Variants in CEP295NL observed in about 807,000 individuals in gnomAD.
CEP295NL encodes the protein protein DDC8 homolog.
A neutral mutation model predicts 4.6 loss-of-function variants in CEP295NL; 3 were observed. That is an observed-to-expected ratio of 0.65 (90% CI 0.30 to 1.69). The LOEUF (loss-of-function observed/expected upper bound fraction) is 1.69. CEP295NL is among the 40% of genes most tolerant of loss of function. CEP295NL has a pLI of 0.10. For synonymous variants in CEP295NL, 295 were observed against 312.2 expected (o/e 0.94, Z 0.58); for missense variants, 719 against 769.0 (o/e 0.93, Z 0.77).
Position 78,891,895 on chromosome 17 carries a change from T to C in CEP295NL, c.609A>G (p.Lys203=), listed in dbSNP as rs2069902903. The C allele has an allele frequency of 1.3e-6, 2 of 1,550,588 alleles. No individual in the cohort carries two copies. The highest frequency in any genetic ancestry group is 1.7e-6 in the Non-Finnish European group (2 of 1,146,992). Residue 203 remains lysine (K), a synonymous_variant, in exon 3 of 3, where the codon AAA becomes AAG. Transcript: ENST00000322630. The surrounding 1 kb of genome is among the most constrained non-coding windows in gnomAD (Gnocchi z 4.5). ...RPRKTAASPE[K]PQTTKATGRM... The stretch of plus-strand genomic sequence containing the variant: ...GACCCGTGGCTTTTGTAGTCTGTGG[T>C]TTCTCTGGACTCGCTGCTGTCTTCC...
At position 78,890,901 on chromosome 17, in the gene CEP295NL, T is replaced by C. The variant is rs1260637211; in HGVS notation, c.1603A>G (p.Lys535Glu). Residue 535 changes from lysine (K) to glutamate (E), a missense_variant, in exon 3 of 3, where the codon AAA (lysine) becomes GAA (glutamate). By Grantham distance (56) the Lys-to-Glu change is moderately conservative (BLOSUM62 1). Coordinates refer to ENST00000322630, the MANE Select transcript of CEP295NL (RefSeq NM_001243540.2). ...HPDMSLEIHY[K>E]AELEKERREQ... ...CTCCTCTCTTTTTCTAGCTCAGCTTTGTAGTGGATTTCCAAGCTCATATCT... is the reference window on the plus strand; with the variant it reads ...CTCCTCTCTTTTTCTAGCTCAGCTTCGTAGTGGATTTCCAAGCTCATATCT... 6.4e-7 allele frequency: 1 copy of C among 1,550,608 alleles called. No homozygotes were observed. The highest frequency in any genetic ancestry group is 1.4e-5 in the African/African-American group (1 of 73,032).
chr17:78,892,391 A>G lies in CEP295NL; in HGVS notation c.113T>C (p.Leu38Pro), dbSNP rs942414487. 1.4e-5 allele frequency: 22 copies of G among 1,550,474 alleles called. No homozygotes were observed. In the African/African-American group the frequency reaches 3.0e-4, roughly 21 times the overall value. The change falls in exon 3 of 3, where the codon CTT (leucine) becomes CCT (proline). Residue 38 changes from leucine to proline, a missense_variant. Coordinates refer to ENST00000322630, the MANE Select transcript of CEP295NL (RefSeq NM_001243540.2). ...GPGAPLEPST[L>P]GSKHLPWEAV... Reference sequence around the variant, plus strand: ...TTCCCAGGGAAGGTGCTTGGAGCCAAGAGTGGAGGGTTCAAGGGGCGCCCC... The same window carrying G: ...TTCCCAGGGAAGGTGCTTGGAGCCAGGAGTGGAGGGTTCAAGGGGCGCCCC...
At position 78,896,730 on chromosome 17, in the gene CEP295NL, A is replaced by C. The variant is rs542566138; in HGVS notation, c.45-4271T>G. On this transcript the variant is annotated intron_variant, in intron 2 of 2. Transcript: ENST00000322630. This position sits in a 1 kb window ranked among gnomAD's most constrained non-coding sequence, Gnocchi z 4.4. Reference sequence around the variant, plus strand: ...AAGCCGCGCTCGGAGCAGCAGAAGGAAGGCGAGTGGACACCAATCTGGCCT... The same window carrying C: ...AAGCCGCGCTCGGAGCAGCAGAAGGCAGGCGAGTGGACACCAATCTGGCCT... Among the ~76,000 whole-genome samples the C allele has an allele frequency of 3.9e-5, 6 of 152,142 alleles. No homozygotes were observed. The highest frequency in any genetic ancestry group is 6.5e-5 in the Admixed American group (1 of 15,282).
intron 2 of CEP295NL, 23 bp from the exon 3 acceptor site, chr17:78,892,482 G>A (rs769653464): frequency 3.3e-6 from 5 of 1,532,962 alleles, no homozygotes; most frequent in Non-Finnish European, 4.4e-6. Context: ...GAGCACAAGT[G>A]CAGCTTTCCA....
chr17:78,891,336 G>C lies in CEP295NL; in HGVS notation c.1168C>G (p.Pro390Ala). Reference protein sequence around the residue: ...SEMQECGAGTPRGKKMADPEM... With the variant: ...SEMQECGAGTARGKKMADPEM... ...GGGTCTGCCATTTTCTTCCCTCTTG[G>C]GGTCCCAGCGCCACACTCTTGCATC... Residue 390 changes from proline (P) to alanine (A), a missense_variant, in exon 3 of 3, where the codon CCA (proline) becomes GCA (alanine). Transcript: ENST00000322630. This position sits in a 1 kb window ranked among gnomAD's most constrained non-coding sequence, Gnocchi z 4.5. 1 of 1,550,202 alleles carries C rather than the reference G, an allele frequency of 6.5e-7. No homozygotes were observed. The highest frequency in any genetic ancestry group is 8.7e-7 in the Non-Finnish European group (1 of 1,146,924).
At chr17:78,894,152 TTCA>T (rs2069961630) in intron 2 of CEP295NL, among the ~76,000 whole-genome samples, 2 of 152,058 alleles carry the variant, frequency 1.3e-5, no homozygotes, top group African/African-American at 4.8e-5. Context: ...CATGTATCCG[TTCA>T]TCTTTTTTAC....
In CEP295NL at chr17:78,901,920, C is replaced by T; in HGVS notation, c.-92G>A. ...GGCTGACTTTGTAGGTAGTGAGACG[C>T]CCATCACTGGAGGCATCCGAACCAA... On this transcript the variant is annotated 5_prime_UTR_variant, in exon 2 of 3. Transcript: ENST00000322630. The T allele has an allele frequency of 3.2e-6, 2 of 619,612 alleles. No homozygotes were observed. The highest frequency in any genetic ancestry group is 6.0e-6 in the Non-Finnish European group (2 of 335,876). 38.4% of individuals were successfully genotyped at this position (619,612 alleles called of 1,614,324 possible).
rs770428837 is a variant in CEP295NL at position 78,902,456 on chromosome 17, G to A, written c.-98-530C>T. On this transcript the variant is annotated intron_variant, in intron 1 of 2. Coordinates refer to ENST00000322630, the MANE Select transcript of CEP295NL (RefSeq NM_001243540.2). Reference sequence around the variant, plus strand: ...TGTTAGCATCACCTGGGGCAGGGGTGGGTCACGTTAGAATGAGTCCTGGCT... The same window carrying A: ...TGTTAGCATCACCTGGGGCAGGGGTAGGTCACGTTAGAATGAGTCCTGGCT... Among the ~76,000 whole-genome samples, 93 of 152,316 alleles carry A rather than the reference G, an allele frequency of 6.1e-4. 1 individual carries two copies. Among genetic ancestry groups the A allele is most frequent in the Middle Eastern group, 3.4e-3 (1 of 294 alleles).
intron 1 of CEP295NL, among the ~76,000 whole-genome samples, 163 bp downstream of exon 1, chr17:78,902,971 G>A (rs1204780683): frequency 2.6e-5 from 4 of 152,224 alleles, no homozygotes; most frequent in Non-Finnish European, 5.9e-5. Context: ...CTTTGCCGCT[G>A]GCCTTGCGAA....
intron 2 of CEP295NL, chr17:78,897,086 A>T (rs2070013519): frequency 1.3e-6 from 1 of 742,872 alleles, no homozygotes; most frequent in African/African-American, 2.3e-5. Context: ...GCCAGGGCCC[A>T]CAGACAGCAC....
In CEP295NL at chr17:78,891,178, C is replaced by T. The variant is rs760460167; in HGVS notation, c.1326G>A (p.Thr442=). ...NQKYQGTVKP[T]FRNGSQTLSP... ...ACAATGTTTGACTTCCATTTCTAAA[C>T]GTGGGCTTGACCGTGCCCTGATATT... Residue 442 remains threonine (T), a synonymous_variant, in exon 3 of 3, where the codon ACG becomes ACA. Transcript: ENST00000322630. This position sits in a 1 kb window ranked among gnomAD's most constrained non-coding sequence, Gnocchi z 4.5. The T allele has an allele frequency of 2.3e-5, 36 of 1,550,540 alleles. No homozygotes were observed. The South Asian group carries it at 3.3e-4, about 14-fold the overall frequency.
intron 2 of CEP295NL, 72 bp from the exon 3 acceptor site, chr17:78,892,531 G>C: frequency 6.8e-7 from 1 of 1,473,704 alleles, no homozygotes; most frequent in Middle Eastern, 2.5e-4. Flanking sequence ...CTGGAGACAA[G>C]CACACGGGAT....
intron 2 of CEP295NL, chr17:78,897,731 A>ACTGG (rs1255328700): frequency 6.6e-6 from 1 of 152,218 alleles, no homozygotes; most frequent in Non-Finnish European, 1.5e-5. Context: ...CAAGGCATGA[A>ACTGG]CTGGCCCCTC....
At chr17:78,899,564 C>G (rs1229644078) in intron 2 of CEP295NL, 4 of 152,288 alleles carry the variant, frequency 2.6e-5, no homozygotes, top group African/African-American at 9.6e-5. Flanking sequence ...CAAAGCCTGG[C>G]AATCTCTGGG....
intron 2 of CEP295NL, 125 bp from the exon 3 acceptor site, chr17:78,892,584 C>T: frequency 7.0e-7 from 1 of 1,419,978 alleles, no homozygotes; most frequent in Non-Finnish European, 9.3e-7. Context: ...CCTCCAAGCT[C>T]TCTTGACCCG....
chr17:78,897,218 G>C (rs2070016302), intron 2 of CEP295NL: 1 of 154,124 alleles, frequency 6.5e-6, no homozygotes, highest in Non-Finnish European at 1.4e-5. Flanking sequence ...GAGGCGCCCA[G>C]AATGGGGGCT....
rs1214199698 is a variant in CEP295NL, at chr17:78,892,263, T to A, written c.241A>T (p.Lys81Ter). 1 of 1,550,852 alleles carries A rather than the reference T, an allele frequency of 6.4e-7. No individual in the cohort carries two copies. The highest frequency in any genetic ancestry group is 2.4e-5 in the East Asian group (1 of 40,916). Residue 81 changes from lysine (K) to a stop codon, truncating the protein, a stop_gained, in exon 3 of 3, where the codon AAA becomes TAA. Coordinates refer to ENST00000322630, the MANE Select transcript of CEP295NL (RefSeq NM_001243540.2). LOFTEE classifies it low-confidence loss of function (END_TRUNC). Reference protein sequence around the residue: ...NEDLLWRKKHKLLQARGKGDL... With the variant: ...NEDLLWRKKH ...CCTTTGCCCCGGGCTTGTAGCAATT[T>A]GTGCTTTTTCCTCCAAAGCAGGTCT...
Position 78,901,768 on chromosome 17 carries a change from A to T in CEP295NL, c.44+17T>A. On this transcript the variant is annotated intron_variant, in intron 2 of 2. Coordinates refer to ENST00000322630, the MANE Select transcript of CEP295NL (RefSeq NM_001243540.2). ...GAGAAGCACCTGAAATGCTTGGGGA[A>T]GAGGGGTGGTACTTACTGTGTGTGT... The T allele has an allele frequency of 2.8e-6, 2 of 717,286 alleles. No individual in the cohort carries two copies. The highest frequency in any genetic ancestry group is 3.0e-5 in the South Asian group (2 of 67,568). 44.4% of individuals were successfully genotyped at this position (717,286 alleles called of 1,614,324 possible).
At position 78,890,992 on chromosome 17, in the gene CEP295NL, C is replaced by T; in HGVS notation, c.1512G>A (p.Arg504=). 6.4e-7 allele frequency: 1 copy of T among 1,551,218 alleles called. No individual in the cohort carries two copies. Among genetic ancestry groups the T allele is most frequent in the Non-Finnish European group, 8.7e-7 (1 of 1,147,138 alleles). ...TTCTCTGCTCCATCTCTGCTTTCTGCCTTTGCCTGGATGCCGTCGAGCCCA... is the reference window on the plus strand; with the variant it reads ...TTCTCTGCTCCATCTCTGCTTTCTGTCTTTGCCTGGATGCCGTCGAGCCCA... ...DRVGSTASRQ[R]QKAEMEQRRQ... is the part of the protein sequence containing the mutation. Residue 504 remains arginine, a synonymous_variant, in exon 3 of 3, where the codon AGG becomes AGA. Transcript: ENST00000322630.
Sources: allele counts gnomAD v4.1 joint callset (sites outside exome capture counted in the v4.1 genomes callset), GRCh38; gene constraint gnomAD v4.1.1; non-coding constraint Gnocchi (gnomAD v3.1); transcripts MANE v1.5; gene names NCBI Gene and HGNC (gene_info 2026-07-23, HGNC 2026-07-21).